Variants in MMP8 observed in about 807,000 individuals in gnomAD.
MMP8 encodes the protein matrix metallopeptidase 8, also known as neutrophil collagenase.
A neutral mutation model predicts 51.2 loss-of-function variants in MMP8; 67 were observed. The ratio of observed to expected loss-of-function variants is 1.31; its 90% CI spans 1.08 to 1.60. The LOEUF (loss-of-function observed/expected upper bound fraction) is 1.60. MMP8 is among the 40% of genes most tolerant of loss of function. The probability of loss-of-function intolerance (pLI) is 0.00; values close to 1 mark genes in which losing one functional copy is unlikely to be tolerated. For synonymous variants in MMP8, 225 were observed against 191.0 expected (o/e 1.18, Z -1.47); for missense variants, 654 against 558.1 (o/e 1.17, Z -1.73).
At chr11:102,714,511 GA>G in intron 8 of MMP8, 44 bp downstream of exon 8, 1 of 1,317,878 alleles carries the variant, frequency 7.6e-7, no homozygotes. Context: ...GCAGGGTAGA[GA>G]AACACAGATT....
In MMP8 at chr11:102,713,389, C is replaced by T; in HGVS notation, c.1363G>A (p.Val455Ile). The change falls in exon 10 of 10, where the codon GTT (valine) becomes ATT (isoleucine). Residue 455 changes from valine (V) to isoleucine (I), a missense_variant. Val to Ile is a conservative substitution (Grantham distance 29). Coordinates refer to ENST00000236826, the MANE Select transcript of MMP8 (RefSeq NM_002424.3). ...FDLIAQRVTRVARGNKWLNCR... is the reference protein window; with the variant it reads ...FDLIAQRVTRIARGNKWLNCR... ...TTAAGCCATTTATTGCCTCTTGCAACTCTGGTAACTCTCTGAGCAATAAGA... is the reference window on the plus strand; with the variant it reads ...TTAAGCCATTTATTGCCTCTTGCAATTCTGGTAACTCTCTGAGCAATAAGA... The T allele has an allele frequency of 3.7e-6, 6 of 1,613,688 alleles. No individual in the cohort carries two copies. The highest frequency in any genetic ancestry group is 5.1e-6 in the Non-Finnish European group (6 of 1,179,696).
At chr11:102,720,716 G>A (rs1861443576) in intron 4 of MMP8, among the ~76,000 whole-genome samples, 1 of 152,166 alleles carries the variant, frequency 6.6e-6, no homozygotes, top group Non-Finnish European at 1.5e-5. Flanking sequence ...CTGTACAGAA[G>A]CATACCACTG....
intron 9 of MMP8, 91 bp from the exon 10 acceptor site, chr11:102,713,548 C>T (rs1409026052): frequency 8.7e-7 from 1 of 1,147,052 alleles, no homozygotes; most frequent in African/African-American, 1.6e-5. Context: ...TCCAACATAA[C>T]ATTCAAATGC....
rs1467671179 is a variant in MMP8, at chr11:102,712,712, G to A, written c.*636C>T. On this transcript the variant is annotated 3_prime_UTR_variant, in exon 10 of 10. Transcript: ENST00000236826. ...GAACAACAGTCATAATGGATTTAGA[G>A]CCCACCCTAATTCAGTGTGATCTCA... is the stretch of plus-strand genomic sequence containing the variant. The A allele has an allele frequency of 2.0e-5, 3 of 152,118 alleles. No individual in the cohort carries two copies. Among genetic ancestry groups the A allele is most frequent in the African/African-American group, 7.2e-5 (3 of 41,398 alleles). 9.4% of individuals were successfully genotyped at this position (152,118 alleles called of 1,614,324 possible).
At chr11:102,722,946 G>A in intron 1 of MMP8, 4 of 1,265,430 alleles carry the variant, frequency 3.2e-6, no homozygotes, top group Non-Finnish European at 3.2e-6. Flanking sequence ...CTACTCTACA[G>A]TCAGGAGACT....
chr11:102,714,743 C>A (rs1861230946), intron 7 of MMP8, 34 bp from the exon 8 acceptor site: 6 of 1,247,738 alleles, frequency 4.8e-6, no homozygotes, highest in Non-Finnish European at 6.2e-6. Flanking sequence ...TTAAATACGA[C>A]TTTTCCATTT....
At chr11:102,719,987 T>C (rs1434507148) in intron 4 of MMP8, among the ~76,000 whole-genome samples, 1 of 152,118 alleles carries the variant, frequency 6.6e-6, no homozygotes, top group Non-Finnish European at 1.5e-5. Flanking sequence ...AGGTGGTGCG[T>C]GGGGCATGGG....
chr11:102,713,590 G>T, intron 9 of MMP8, 133 bp from the exon 10 acceptor site: 1 of 993,556 alleles, frequency 1.0e-6, no homozygotes, highest in Non-Finnish European at 1.5e-6. Flanking sequence ...TAAACACCAG[G>T]TGCGGTGGCT....
rs139194660 is a variant in MMP8, at chr11:102,721,599, C to T, written c.496+15G>A. The T allele has an allele frequency of 6.2e-7, 1 of 1,613,556 alleles. No homozygotes were observed. Among genetic ancestry groups the T allele is most frequent in the African/African-American group, 1.3e-5 (1 of 75,024 alleles). On this transcript the variant is annotated intron_variant, in intron 3 of 9. Transcript: ENST00000236826. Reference sequence around the variant, plus strand: ...CCAAAGAAAGCAAAACTGAGCATGACTGCTTTGTACCTACCTCTTTGGTAA... The same window carrying T: ...CCAAAGAAAGCAAAACTGAGCATGATTGCTTTGTACCTACCTCTTTGGTAA...
In MMP8 at chr11:102,716,507, A is replaced by C. The variant is rs1052291889; in HGVS notation, c.785-88T>G. On this transcript the variant is annotated intron_variant, in intron 5 of 9. Transcript: ENST00000236826. The stretch of plus-strand genomic sequence containing the variant: ...TTGGGTACATCAGAGACTTCTCAGA[A>C]AGGTGAAGGGTCTTCATGTGAAGGT... 2.3e-5 allele frequency: 17 copies of C among 754,804 alleles called. No homozygotes were observed. In the East Asian group the frequency reaches 3.6e-4, roughly 16 times the overall value. 46.8% of individuals were successfully genotyped at this position (754,804 alleles called of 1,614,324 possible).
chr11:102,713,854 A>G lies in MMP8; in HGVS notation c.1194T>C (p.Tyr398=). ...GCTCCATGAATTGTCTTTGGTTATC[A>G]TATCTGGTAAAAACAAAATGTTATC... ...YFFVNDQFWR[Y]DNQRQFMEPG... The change falls in exon 9 of 10, where the codon TAT becomes TAC. Residue 398 remains tyrosine, a synonymous_variant. Coordinates refer to ENST00000236826, the MANE Select transcript of MMP8 (RefSeq NM_002424.3). 6.2e-7 allele frequency: 1 copy of G among 1,603,790 alleles called. No homozygotes were observed. The highest frequency in any genetic ancestry group is 8.5e-7 in the Non-Finnish European group (1 of 1,176,248).
intron 4 of MMP8, among the ~76,000 whole-genome samples, chr11:102,720,711 C>T (rs1861443404): frequency 6.6e-6 from 1 of 152,152 alleles, no homozygotes; most frequent in East Asian, 1.9e-4. Context: ...GCTTGCTGTA[C>T]AGAAGCATAC....
At chr11:102,724,241 G>A (rs1259525419) in intron 1 of MMP8, among the ~76,000 whole-genome samples, 1 of 152,142 alleles carries the variant, frequency 6.6e-6, no homozygotes, top group Admixed American at 6.5e-5. Context: ...CTTTTATAAT[G>A]CTTCCAAGAG....
chr11:102,715,488 G>A, intron 6 of MMP8, 51 bp from the exon 7 acceptor site: 1 of 1,567,396 alleles, frequency 6.4e-7, no homozygotes, highest in South Asian at 1.2e-5. Flanking sequence ...AACAGTCTAA[G>A]TAGGCAGTTC....
intron 5 of MMP8, 28 bp from the exon 6 acceptor site, chr11:102,716,447 A>AAT (rs398017359): frequency 2.4e-6 from 3 of 1,224,536 alleles, no homozygotes; most frequent in Middle Eastern, 4.3e-4. Context: ...AAAAAAAAAA[A>AAT]GGTCTTTCTT....
chr11:102,713,517 G>T lies in MMP8; in HGVS notation c.1295-60C>A, dbSNP rs1861187772. On this transcript the variant is annotated intron_variant, in intron 9 of 9. Transcript: ENST00000236826. Reference sequence around the variant, plus strand: ...TTATAGAATATCTCAGATGTCTTCAGTTAGAAAACCCTGCCCCTGTTCCAA... The same window carrying T: ...TTATAGAATATCTCAGATGTCTTCATTTAGAAAACCCTGCCCCTGTTCCAA... 4.3e-6 allele frequency: 6 copies of T among 1,382,464 alleles called. No homozygotes were observed. In the Admixed American group the frequency reaches 8.9e-5, roughly 20 times the overall value. 85.6% of individuals were successfully genotyped at this position (1,382,464 alleles called of 1,614,324 possible).
chr11:102,722,486 C>T lies in MMP8; in HGVS notation c.290G>A (p.Gly97Asp), dbSNP rs181884646. Reference protein sequence around the residue: ...KKPRCGVPDSGGFMLTPGNPK... With the variant: ...KKPRCGVPDSDGFMLTPGNPK... ...GTTTCCTGGGGTTAACATAAAACCA[C>T]CACTGTCAGGCACTCCACAGCGAGG... Residue 97 changes from glycine to aspartate, a missense_variant, in exon 2 of 10, where the codon GGT (glycine) becomes GAT (aspartate). Coordinates refer to ENST00000236826, the MANE Select transcript of MMP8 (RefSeq NM_002424.3). The T allele has an allele frequency of 1.9e-5, 31 of 1,613,886 alleles. No homozygotes were observed. In the African/African-American group the frequency reaches 2.9e-4, roughly 15 times the overall value.
Position 102,715,485 on chromosome 11 carries a change from T to G in MMP8, c.903-48A>C, listed in dbSNP as rs750127244. On this transcript the variant is annotated intron_variant, in intron 6 of 9. Transcript: ENST00000236826. Reference sequence around the variant, plus strand: ...ACACACACACTTATACATAACAGTCTAAGTAGGCAGTTCCTGTGACTTTTA... The same window carrying G: ...ACACACACACTTATACATAACAGTCGAAGTAGGCAGTTCCTGTGACTTTTA... The G allele has an allele frequency of 5.1e-6, 8 of 1,570,048 alleles. No homozygotes were observed. The East Asian group carries it at 1.8e-4, about 35-fold the overall frequency.
At chr11:102,721,903 G>C in intron 2 of MMP8, 141 bp from the exon 3 acceptor site, 1 of 931,720 alleles carries the variant, frequency 1.1e-6, no homozygotes, top group Non-Finnish European at 1.6e-6. Flanking sequence ...CAGGTCTCAG[G>C]GTGGAGGACA....
Sources: gnomAD v4.1 joint callset for allele counts (sites outside exome capture counted in the v4.1 genomes callset) on GRCh38, gnomAD v4.1.1 for gene constraint, MANE v1.5 for transcripts, NCBI Gene and HGNC (gene_info 2026-07-23, HGNC 2026-07-21) for gene names.